Variants in ATOSA observed in about 807,000 individuals in gnomAD.
The protein encoded by ATOSA is atos homolog protein A.
At chr15:52,617,002 T>A in the ATOSA span, among the ~76,000 whole-genome samples, 1 of 152,144 alleles carries the variant, frequency 6.6e-6, no homozygotes, top group Admixed American at 6.5e-5. Flanking sequence ...AACTAAAGTA[T>A]ATTGTTATGA....
chr15:52,671,972 C>T, the ATOSA span, among the ~76,000 whole-genome samples: 1 of 151,602 alleles, frequency 6.6e-6, no homozygotes, highest in Non-Finnish European at 1.5e-5. Context: ...TGTGGTATTA[C>T]ACATGGGCTC....
the ATOSA span, among the ~76,000 whole-genome samples, chr15:52,608,127 T>C: frequency 1.3e-5 from 2 of 152,138 alleles, no homozygotes. Flanking sequence ...TGAGCTCAAG[T>C]GATCCTTCTG....
At chr15:52,632,651 G>C in the ATOSA span, among the ~76,000 whole-genome samples, 1 of 152,154 alleles carries the variant, frequency 6.6e-6, no homozygotes, top group African/African-American at 2.4e-5. Flanking sequence ...CCTTTAAATA[G>C]CAAGCCCAGT....
chr15:52,593,401 G>C, the ATOSA span: 138 of 573,484 alleles, frequency 2.4e-4, no homozygotes, highest in African/African-American at 2.5e-3. Flanking sequence ...ATGCAAAAGA[G>C]GTTATCTGTT....
chr15:52,634,006 T>C, the ATOSA span, among the ~76,000 whole-genome samples: 131 of 152,166 alleles, frequency 8.6e-4, no homozygotes, highest in African/African-American at 3.2e-3. Context: ...AGGTAGCCTA[T>C]AACAAGTTAA....
chr15:52,659,113 A>G, the ATOSA span, among the ~76,000 whole-genome samples: 1 of 152,168 alleles, frequency 6.6e-6, no homozygotes, highest in Non-Finnish European at 1.5e-5. Context: ...AAAACATCAT[A>G]GGGTAACCTC....
At chr15:52,584,852 T>C in the ATOSA span, 1 of 1,613,598 alleles carries the variant, frequency 6.2e-7, no homozygotes, top group East Asian at 2.2e-5. Context: ...AAGTTCTTTG[T>C]CGTAGGAATG....
the ATOSA span, among the ~76,000 whole-genome samples, chr15:52,695,720 G>C: frequency 6.6e-6 from 1 of 152,220 alleles, no homozygotes; most frequent in Non-Finnish European, 1.5e-5. Flanking sequence ...GGGATTTGGG[G>C]AGAGGCATTT....
the ATOSA span, among the ~76,000 whole-genome samples, chr15:52,633,140 T>C: frequency 3.3e-5 from 5 of 152,292 alleles, no homozygotes; most frequent in South Asian, 6.2e-4. Context: ...CCTGTATACA[T>C]AGAGAGGACA....
chr15:52,630,931 T>C, the ATOSA span, among the ~76,000 whole-genome samples: 6 of 152,172 alleles, frequency 3.9e-5, no homozygotes, highest in African/African-American at 1.4e-4. Flanking sequence ...AAAAACAAGC[T>C]AAACAACATA....
chr15:52,582,381 A>T, the ATOSA span: 1 of 1,304,358 alleles, frequency 7.7e-7, no homozygotes, highest in East Asian at 2.8e-5. Flanking sequence ...TTAAAATTTG[A>T]AAGTAGGAAG....
chr15:52,633,048 T>C, the ATOSA span, among the ~76,000 whole-genome samples: 1 of 152,200 alleles, frequency 6.6e-6, no homozygotes, highest in Admixed American at 6.5e-5. Context: ...AGTACAGGCA[T>C]GTTACTTCAT....
At chr15:52,661,104 C>T in the ATOSA span, among the ~76,000 whole-genome samples, 2 of 152,004 alleles carry the variant, frequency 1.3e-5, no homozygotes, top group Non-Finnish European at 1.5e-5. Flanking sequence ...TAGTTTATAC[C>T]ATTTCCTGAT....
the ATOSA span, among the ~76,000 whole-genome samples, chr15:52,629,906 A>T: frequency 6.6e-6 from 1 of 152,208 alleles, no homozygotes; most frequent in East Asian, 1.9e-4. Context: ...GAGAAACAAA[A>T]CAAATGAAGT....
At chr15:52,671,049 A>T in the ATOSA span, among the ~76,000 whole-genome samples, 1 of 152,162 alleles carries the variant, frequency 6.6e-6, no homozygotes, top group African/African-American at 2.4e-5. Context: ...TCTCAGAAAC[A>T]GCAATAGGAG....
chr15:52,619,762 T>C, the ATOSA span, among the ~76,000 whole-genome samples: 1 of 151,060 alleles, frequency 6.6e-6, no homozygotes, highest in Non-Finnish European at 1.5e-5. Flanking sequence ...ACCCAGGAGG[T>C]GTAGGTTGCA....
chr15:52,593,529 T>A, the ATOSA span: 11 of 1,492,166 alleles, frequency 7.4e-6, no homozygotes, highest in Non-Finnish European at 9.9e-6. Flanking sequence ...AAATTTGTCA[T>A]TAAGTTGGTT....
chr15:52,642,971 A>G, the ATOSA span, among the ~76,000 whole-genome samples: 5 of 151,844 alleles, frequency 3.3e-5, no homozygotes, highest in Non-Finnish European at 5.9e-5. Flanking sequence ...CACAGCCCCT[A>G]TCTACCTTTT....
the ATOSA span, among the ~76,000 whole-genome samples, chr15:52,625,645 A>G: frequency 6.6e-6 from 1 of 152,208 alleles, no homozygotes; most frequent in South Asian, 2.1e-4. Context: ...TCTACACAAT[A>G]AACACCAAAG....
Sources: allele counts gnomAD v4.1 joint callset (sites outside exome capture counted in the v4.1 genomes callset), GRCh38; gene constraint gnomAD v4.1.1; transcripts MANE v1.5; gene names NCBI Gene and HGNC (gene_info 2026-07-23, HGNC 2026-07-21).